TBL1XR1: variants seen among roughly 807,000 people sequenced by gnomAD.
The protein encoded by TBL1XR1 is F-box-like/WD repeat-containing protein TBL1XR1.
In TBL1XR1, 5 loss-of-function variants were observed where a neutral mutation model predicts 66.9. That is an observed-to-expected ratio of 0.07 (90% CI 0.04 to 0.16). The LOEUF (loss-of-function observed/expected upper bound fraction) is 0.16, where lower values mean the gene tolerates loss of function less well. Among genes scored for constraint, TBL1XR1 ranks in the 10% least tolerant of loss-of-function variants. The pLI is 1.00. For synonymous variants in TBL1XR1, 210 were observed against 206.0 expected (o/e 1.02, Z -0.17); for missense variants, 238 against 623.2 (o/e 0.38, Z 6.58).
intron 1 of TBL1XR1, among the ~76,000 whole-genome samples, chr3:177,143,917 G>A (rs1729934291): frequency 6.6e-6 from 1 of 152,210 alleles, no homozygotes; most frequent in South Asian, 2.1e-4. Context: ...GAGGACAGTG[G>A]AGTGGGGATG....
At chr3:177,141,138 T>C (rs959195549) in intron 1 of TBL1XR1, among the ~76,000 whole-genome samples, 33 of 152,242 alleles carry the variant, frequency 2.2e-4, no homozygotes, top group African/African-American at 8.0e-4. Context: ...GACTCTTTAG[T>C]ATAATTTATC....
chr3:177,163,629 G>C (rs1198250711), intron 1 of TBL1XR1, among the ~76,000 whole-genome samples: 1 of 152,122 alleles, frequency 6.6e-6, no homozygotes, highest in Non-Finnish European at 1.5e-5. Flanking sequence ...AACAATACTG[G>C]GGAGAGGGTG....
In TBL1XR1 at chr3:177,021,543, T is replaced by G. The variant is rs1038962538; in HGVS notation, c.*3955A>C. 1 of 152,566 alleles carries G rather than the reference T, an allele frequency of 6.6e-6. No individual in the cohort carries two copies. Among genetic ancestry groups the G allele is most frequent in the African/African-American group, 2.4e-5 (1 of 41,446 alleles). The allele number at this position is 152,566 out of a possible 1,614,324, so 9.5% of individuals were successfully genotyped here. On this transcript the variant is annotated 3_prime_UTR_variant, in exon 16 of 16. Transcript: ENST00000457928. ...TCCTCTTTCTTCTCTCTTCTACATT[T>G]AACTAGAATCATGTTTAAAAAAAAC...
At chr3:177,066,904 C>A (rs1383346916) in intron 2 of TBL1XR1, among the ~76,000 whole-genome samples, 1 of 151,980 alleles carries the variant, frequency 6.6e-6, no homozygotes, top group African/African-American at 2.4e-5. Flanking sequence ...GAAAAGGTAC[C>A]CTCTTCACCA....
At chr3:177,066,363 TAGA>T (rs1219675776) in intron 2 of TBL1XR1, among the ~76,000 whole-genome samples, 2 of 152,024 alleles carry the variant, frequency 1.3e-5, no homozygotes, top group Non-Finnish European at 2.9e-5. Context: ...GGAACACATT[TAGA>T]AGGAGTGTCC....
At chr3:177,126,241 A>T (rs1727615664) in intron 1 of TBL1XR1, 1 of 152,204 alleles carries the variant, frequency 6.6e-6, no homozygotes, top group African/African-American at 2.4e-5. Context: ...TAGATATGGG[A>T]TTCAGCCAAG....
At chr3:177,172,925 C>A (rs1299129658) in intron 1 of TBL1XR1, among the ~76,000 whole-genome samples, 1 of 152,148 alleles carries the variant, frequency 6.6e-6, no homozygotes, top group African/African-American at 2.4e-5. Flanking sequence ...GTAATCCCAG[C>A]ACTTTGGGAG....
Position 177,034,190 on chromosome 3 carries a change from A to G in TBL1XR1, c.1250+8T>C, listed in dbSNP as rs1403825012. 6.2e-7 allele frequency: 1 copy of G among 1,602,274 alleles called. No homozygotes were observed. Among genetic ancestry groups the G allele is most frequent in the Middle Eastern group, 1.7e-4 (1 of 5,828 alleles). ...CTCATAAAAGGAAAAATGAAACAGA[A>G]GTATCACCTTGCTAACATAAGGTTG... On this transcript the variant is annotated splice_region_variant and intron_variant, in intron 13 of 15. Transcript: ENST00000457928.
At chr3:177,168,035 A>G (rs1045641763) in intron 1 of TBL1XR1, among the ~76,000 whole-genome samples, 6 of 152,242 alleles carry the variant, frequency 3.9e-5, no homozygotes, top group African/African-American at 1.2e-4. Context: ...AATAAATGGG[A>G]AACAACCAAA....
intron 2 of TBL1XR1, among the ~76,000 whole-genome samples, chr3:177,071,031 G>T (rs904542147): frequency 1.0e-3 from 106 of 104,606 alleles, no homozygotes; most frequent in East Asian, 1.6e-3. Flanking sequence ...CTGAGAATCT[G>T]TTTTTTTTTT....
intron 1 of TBL1XR1, among the ~76,000 whole-genome samples, chr3:177,152,225 G>A (rs1010099817): frequency 1.3e-5 from 2 of 152,122 alleles, no homozygotes; most frequent in Admixed American, 6.5e-5. Context: ...AACCTTTTAA[G>A]TTGCTACATT....
chr3:177,164,674 T>C (rs1048099801), intron 1 of TBL1XR1, among the ~76,000 whole-genome samples: 2 of 152,072 alleles, frequency 1.3e-5, no homozygotes, highest in African/African-American at 2.4e-5. Flanking sequence ...AAGAAACAAA[T>C]TGAAAAAGAT....
intron 1 of TBL1XR1, among the ~76,000 whole-genome samples, chr3:177,162,805 A>C (rs895133950): frequency 3.3e-5 from 5 of 152,218 alleles, no homozygotes; most frequent in Non-Finnish European, 7.3e-5. Context: ...TAAATATACA[A>C]AAAGATGCTC....
chr3:177,099,704 T>G (rs907036562), intron 1 of TBL1XR1, among the ~76,000 whole-genome samples: 15 of 152,234 alleles, frequency 9.9e-5, no homozygotes, highest in Non-Finnish European at 1.6e-4. Flanking sequence ...TAGCACAGAC[T>G]GAGGAAATGT....
intron 1 of TBL1XR1, among the ~76,000 whole-genome samples, chr3:177,183,368 T>C (rs942040449): frequency 2.0e-5 from 3 of 152,194 alleles, no homozygotes; most frequent in Non-Finnish European, 4.4e-5. Flanking sequence ...ACATACCCTG[T>C]GTTGTGCCAT....
intron 3 of TBL1XR1, among the ~76,000 whole-genome samples, chr3:177,063,710 T>C (rs924029889): frequency 1.2e-4 from 18 of 152,284 alleles, no homozygotes; most frequent in African/African-American, 4.3e-4. Context: ...AGTCTACCAG[T>C]TTAAACAAAG....
At chr3:177,171,068 C>T (rs578242962) in intron 1 of TBL1XR1, among the ~76,000 whole-genome samples, 27 of 152,110 alleles carry the variant, frequency 1.8e-4, no homozygotes, top group Admixed American at 5.9e-4. Flanking sequence ...AATCCAGGCG[C>T]GGTGGCTCAC....
At chr3:177,140,199 G>A (rs1358663953) in intron 1 of TBL1XR1, among the ~76,000 whole-genome samples, 1 of 152,186 alleles carries the variant, frequency 6.6e-6, no homozygotes, top group Non-Finnish European at 1.5e-5. Context: ...CACTCGGGAG[G>A]CTGAGGCAGA....
At chr3:177,079,603 G>T (rs1343949885) in intron 2 of TBL1XR1, 1 of 151,890 alleles carries the variant, frequency 6.6e-6, no homozygotes, top group East Asian at 1.9e-4. Flanking sequence ...GTCATCATTG[G>T]TAAGAAATCC....
Sources: allele counts gnomAD v4.1 joint callset (sites outside exome capture counted in the v4.1 genomes callset), GRCh38; gene constraint gnomAD v4.1.1; transcripts MANE v1.5; gene names NCBI Gene and HGNC (gene_info 2026-07-23, HGNC 2026-07-21).